The following PRKDC variants were observed in gnomAD, a reference collection of about 807,000 sequenced individuals.
The protein encoded by PRKDC is DNA-dependent protein kinase catalytic subunit.
PRKDC carries 82 observed loss-of-function variants against 486.9 expected under a neutral mutation model. That is an observed-to-expected ratio of 0.17 (90% CI 0.14 to 0.20). PRKDC has a LOEUF of 0.20. PRKDC is among the 10% of genes least tolerant of loss of function. PRKDC has a pLI of 1.00. For missense variants in PRKDC, 4,504 were observed against 5,038.2 expected (o/e 0.89, Z 3.21); for synonymous variants, 1,895 against 1,837.0 (o/e 1.03, Z -0.81).
chr8:47,956,518 A>G, intron 3 of PRKDC, among the ~76,000 whole-genome samples: 1 of 151,438 alleles, frequency 6.6e-6, no homozygotes, highest in East Asian at 1.9e-4. Context: ...AACAAGGCGA[A>G]ACCCTGTCTC....
intron 36 of PRKDC, among the ~76,000 whole-genome samples, chr8:47,885,117 C>T (rs757164124): frequency 1.1e-4 from 17 of 152,300 alleles, no homozygotes; most frequent in Non-Finnish European, 1.9e-4. Flanking sequence ...ATAGAAAAAA[C>T]AATCAATGTT....
chr8:47,858,953 G>A lies in PRKDC; in HGVS notation c.6241C>T (p.Leu2081=), dbSNP rs771049103. Residue 2081 remains leucine, a synonymous_variant, in exon 47 of 86, where the codon CTG becomes TTG. Transcript: ENST00000314191. The stretch of plus-strand genomic sequence containing the variant: ...TTGAGCTCGTCCATCTCCAGCTCCA[G>A]CACATCATCATGCACCGTGGGGTCC... ...QRDPTVHDDV[L]ELEMDELNRH... 2.5e-6 allele frequency: 4 copies of A among 1,613,610 alleles called. No individual in the cohort carries two copies. Among genetic ancestry groups the A allele is most frequent in the Middle Eastern group, 3.3e-4 (2 of 6,062 alleles).
chr8:47,860,832 T>C (rs1295888900), intron 45 of PRKDC, 67 bp downstream of exon 45: 8 of 1,280,152 alleles, frequency 6.2e-6, no homozygotes, highest in Non-Finnish European at 8.8e-6. Flanking sequence ...CTATTTGTCT[T>C]AGAACAAAAC....
intron 34 of PRKDC, 30 bp downstream of exon 34, chr8:47,888,488 A>G (rs2089384056): frequency 6.8e-7 from 1 of 1,478,800 alleles, no homozygotes; most frequent in Non-Finnish European, 9.0e-7. Flanking sequence ...TAAAGCTAAA[A>G]TAAATGTAAA....
rs1364679793 is a variant in PRKDC, at chr8:47,863,596, T to G, written c.5572-19A>C. On this transcript the variant is annotated intron_variant, in intron 41 of 85. Coordinates refer to ENST00000314191, the MANE Select transcript of PRKDC (RefSeq NM_006904.7). ...CATTTAGCTTCAAAAAGGTAAAAAA[T>G]AATTATCTTTGGTCTTATTAAACAT... The G allele has an allele frequency of 6.4e-7, 1 of 1,571,728 alleles. No homozygotes were observed. Among genetic ancestry groups the G allele is most frequent in the Non-Finnish European group, 8.7e-7 (1 of 1,146,398 alleles).
intron 10 of PRKDC, among the ~76,000 whole-genome samples, chr8:47,940,517 C>T (rs929784902): frequency 1.3e-5 from 2 of 152,146 alleles, no homozygotes; most frequent in Non-Finnish European, 2.9e-5. Context: ...GCCTGACCTT[C>T]GGGGAACTTT....
At position 47,877,763 on chromosome 8, in the gene PRKDC, T is replaced by C. The variant is rs770639489; in HGVS notation, c.5324A>G (p.Glu1775Gly). The C allele has an allele frequency of 1.3e-6, 2 of 1,596,200 alleles. No homozygotes were observed. Among genetic ancestry groups the C allele is most frequent in the Admixed American group, 1.7e-5 (1 of 58,628 alleles). ...VLCREQQHVM[E>G]ELFQSSFRRI... ...CCTGAAACTGGATTGAAATAATTCT[T>C]CCATGACATGCTGCTGTTCCCGACA... is the stretch of plus-strand genomic sequence containing the variant. The change falls in exon 40 of 86, where the codon GAA becomes GGA. Residue 1775 changes from glutamate (E) to glycine (G), a missense_variant. By Grantham distance (98) the Glu-to-Gly change is moderately conservative (BLOSUM62 -2). Transcript: ENST00000314191.
intron 35 of PRKDC, among the ~76,000 whole-genome samples, chr8:47,886,848 T>C (rs1186156311): frequency 6.6e-6 from 1 of 152,072 alleles, no homozygotes; most frequent in Non-Finnish European, 1.5e-5. Flanking sequence ...CCACCATACC[T>C]GGCTAATTTT....
intron 78 of PRKDC, among the ~76,000 whole-genome samples, chr8:47,783,278 C>CAA (rs1182413636): frequency 8.9e-5 from 5 of 56,182 alleles, no homozygotes; most frequent in African/African-American, 7.3e-5. Flanking sequence ...ACTCTTGTCT[C>CAA]AAAAAAAAAA....
chr8:47,953,297 A>C (rs1341415827), intron 7 of PRKDC, among the ~76,000 whole-genome samples: 1 of 152,192 alleles, frequency 6.6e-6, no homozygotes, highest in African/African-American at 2.4e-5. Flanking sequence ...ACAGAGCAAG[A>C]TTCTGTCTCA....
chr8:47,834,305 G>A lies in PRKDC; in HGVS notation c.8043C>T (p.Ala2681=), dbSNP rs200543348. The A allele has an allele frequency of 3.6e-5, 58 of 1,614,028 alleles. No individual in the cohort carries two copies. In the East Asian group the frequency reaches 1.1e-3, roughly 30 times the overall value. Residue 2681 remains alanine (A), a synonymous_variant, in exon 59 of 86, where the codon GCC becomes GCT. Transcript: ENST00000314191. Reference sequence around the variant, plus strand: ...TCTGTAACCTTTCACTCCTCTTGTGGGCAAACAGCAAGGAGTCAGATGAGG... The same window carrying A: ...TCTGTAACCTTTCACTCCTCTTGTGAGCAAACAGCAAGGAGTCAGATGAGG... ...TSPSSDSLLF[A]HKRSERLQRA...
intron 21 of PRKDC, among the ~76,000 whole-genome samples, chr8:47,925,510 G>A (rs770196783): frequency 6.6e-6 from 1 of 151,834 alleles, no homozygotes; most frequent in Non-Finnish European, 1.5e-5. Flanking sequence ...AGTAACACAT[G>A]ATCCTACACT....
chr8:47,957,661 C>A (rs1204744882), intron 1 of PRKDC, among the ~76,000 whole-genome samples: 1 of 152,142 alleles, frequency 6.6e-6, no homozygotes, highest in East Asian at 1.9e-4. Context: ...AAGGTGCCCA[C>A]CACCATGCCC....
At chr8:47,838,194 C>T (rs541303196) in intron 56 of PRKDC, among the ~76,000 whole-genome samples, 2 of 151,726 alleles carry the variant, frequency 1.3e-5, no homozygotes, top group Admixed American at 6.6e-5. Flanking sequence ...TACATACATA[C>T]CAAATTAGGT....
At chr8:47,935,203 T>C in intron 13 of PRKDC, 145 bp from the exon 14 acceptor site, 1 of 658,278 alleles carries the variant, frequency 1.5e-6, no homozygotes, top group Non-Finnish European at 2.5e-6. Flanking sequence ...GCTTTAATTT[T>C]AAAACTTAAA....
intron 60 of PRKDC, among the ~76,000 whole-genome samples, chr8:47,831,268 A>G (rs1310442791): frequency 1.3e-5 from 2 of 152,190 alleles, no homozygotes; most frequent in African/African-American, 4.8e-5. Context: ...TCACACCCAG[A>G]TGTGGATGGA....
At chr8:47,856,519 C>T (rs2088544147) in intron 49 of PRKDC, among the ~76,000 whole-genome samples, 1 of 152,136 alleles carries the variant, frequency 6.6e-6, no homozygotes, top group Admixed American at 6.5e-5. Context: ...TGTGAGCCAT[C>T]ATGCCTAGCC....
At chr8:47,845,979 G>A (rs973266000) in intron 54 of PRKDC, among the ~76,000 whole-genome samples, 35 of 152,280 alleles carry the variant, frequency 2.3e-4, no homozygotes, top group Admixed American at 1.8e-3. Flanking sequence ...AAGTCAATGC[G>A]TGACAATCAA....
chr8:47,829,643 G>A (rs2087819321), intron 61 of PRKDC, among the ~76,000 whole-genome samples: 1 of 151,826 alleles, frequency 6.6e-6, no homozygotes, highest in African/African-American at 2.4e-5. Flanking sequence ...TAGAAAATAT[G>A]GCTAAATCAA....
Sources: gnomAD v4.1 joint callset for allele counts (sites outside exome capture counted in the v4.1 genomes callset) on GRCh38, gnomAD v4.1.1 for gene constraint, MANE v1.5 for transcripts, NCBI Gene and HGNC (gene_info 2026-07-23, HGNC 2026-07-21) for gene names.